The following CTNND2 variants were observed in gnomAD, a reference collection of about 807,000 sequenced individuals.
CTNND2 encodes the protein catenin delta-2.
In CTNND2, 22 loss-of-function variants were observed where a neutral mutation model predicts 144.4. That is an observed-to-expected ratio of 0.15 (90% CI 0.11 to 0.22). CTNND2 has a LOEUF of 0.22. Ranked by LOEUF, CTNND2 falls within the 10% of genes least tolerant of loss-of-function variation. CTNND2 has a pLI of 1.00. For missense variants in CTNND2, 1,353 were observed against 1,618.8 expected, an observed-to-expected ratio of 0.84 and a Z score of 2.82; for synonymous variants, 751 against 695.6, an observed-to-expected ratio of 1.08 and a Z score of -1.25.
At chr5:11,322,835 T>C (rs142445011) in intron 9 of CTNND2, among the ~76,000 whole-genome samples, 56 of 152,314 alleles carry the variant, frequency 3.7e-4, no homozygotes, top group African/African-American at 1.2e-3. Context: ...ATTGTATGTA[T>C]ACTTGCTCTG....
chr5:11,599,772 C>T (rs1224785836), intron 2 of CTNND2, among the ~76,000 whole-genome samples: 3 of 152,048 alleles, frequency 2.0e-5, no homozygotes, highest in Non-Finnish European at 2.9e-5. Flanking sequence ...GTTCTCAGAC[C>T]AGGAAGCTTG....
At chr5:11,023,014 G>A (rs1280054946) in intron 16 of CTNND2, 35 bp from the exon 17 acceptor site, 1 of 1,598,686 alleles carries the variant, frequency 6.3e-7, no homozygotes, top group Admixed American at 1.7e-5. Context: ...GTTGAAAGGA[G>A]GTCAAGGTGA....
intron 2 of CTNND2, among the ~76,000 whole-genome samples, chr5:11,731,046 C>G (rs1310130876): frequency 6.6e-6 from 1 of 152,158 alleles, no homozygotes; most frequent in African/African-American, 2.4e-5. Flanking sequence ...GCAAACTAAT[C>G]AAGGAGCACA....
chr5:11,306,052 T>C (rs977930773), intron 9 of CTNND2, among the ~76,000 whole-genome samples: 2 of 152,208 alleles, frequency 1.3e-5, no homozygotes, highest in African/African-American at 4.8e-5. Flanking sequence ...TGTTCTTAAA[T>C]GTAACAGGAA....
intron 12 of CTNND2, among the ~76,000 whole-genome samples, chr5:11,159,154 A>T (rs902410908): frequency 1.3e-5 from 2 of 152,202 alleles, no homozygotes; most frequent in Non-Finnish European, 2.9e-5. Flanking sequence ...GAGAATTTTT[A>T]AAAAATGGCT....
chr5:11,656,859 A>G (rs1425258850), intron 2 of CTNND2, among the ~76,000 whole-genome samples: 2 of 152,156 alleles, frequency 1.3e-5, no homozygotes, highest in East Asian at 1.9e-4. Context: ...GTCTTCTTAC[A>G]ATCACTTTCG....
intron 11 of CTNND2, among the ~76,000 whole-genome samples, chr5:11,197,321 T>C (rs32268): frequency 0.026 from 4,001 of 152,284 alleles, 185 homozygotes; most frequent in African/African-American, 0.091. Flanking sequence ...AAAACATCTA[T>C]TGAAGTAACA....
chr5:11,084,030 TCAC>T lies in CTNND2; in HGVS notation c.2638-1187_2638-1185del, dbSNP rs1373815595. The T allele has an allele frequency of 3.0e-5, 26 of 876,344 alleles. No individual in the cohort carries two copies. The African/African-American group carries it at 4.4e-4, about 15-fold the overall frequency. 54.3% of individuals were successfully genotyped at this position (876,344 alleles called of 1,614,324 possible). On this transcript the variant is annotated intron_variant, in intron 15 of 21. Transcript: ENST00000304623. ...GAAATCACATTCACACAGTTTCTTA[TCAC>T]CATCAACCCACACTGTATGCTTTTG...
chr5:11,773,708 G>A (rs1790079128), intron 1 of CTNND2, among the ~76,000 whole-genome samples: 1 of 151,894 alleles, frequency 6.6e-6, no homozygotes, highest in South Asian at 2.1e-4. Context: ...TACTTTGGGT[G>A]GCTGAGGCAG....
intron 9 of CTNND2, among the ~76,000 whole-genome samples, chr5:11,345,994 T>TGATAAATAAATAAATGATAAATAAA (rs1754738495): frequency 6.6e-6 from 1 of 152,142 alleles, no homozygotes; most frequent in Non-Finnish European, 1.5e-5. Context: ...TAAATAGAAA[T>TGATAAATAAATAAATGATAAATAAA]ACGCATGATG....
At chr5:11,854,524 G>T (rs1263283495) in intron 1 of CTNND2, among the ~76,000 whole-genome samples, 1 of 152,146 alleles carries the variant, frequency 6.6e-6, no homozygotes, top group African/African-American at 2.4e-5. Context: ...GTTTATATTT[G>T]TTCTGTGATA....
chr5:11,411,632 C>T lies in CTNND2; in HGVS notation c.343G>A (p.Asp115Asn). 1 of 1,607,398 alleles carries T rather than the reference C, an allele frequency of 6.2e-7. No individual in the cohort carries two copies. ...AGCTCGAGACCTGTTGTAAGCTCATCTTCGATATCTTTTTGACCATCTGAA... is the reference window on the plus strand; with the variant it reads ...AGCTCGAGACCTGTTGTAAGCTCATTTTCGATATCTTTTTGACCATCTGAA... ...QSQDGQKDIEDELTTGLELVD... is the reference protein window; with the variant it reads ...QSQDGQKDIENELTTGLELVD... Residue 115 changes from aspartate (D) to asparagine (N), a missense_variant, in exon 5 of 22, where the codon GAT becomes AAT. Physicochemically the swap from Asp to Asn is conservative, Grantham distance 23. Transcript: ENST00000304623.
At chr5:11,545,409 C>T (rs13164375) in intron 3 of CTNND2, among the ~76,000 whole-genome samples, 26,166 of 151,432 alleles carry the variant, frequency 0.17, 2,682 homozygotes, top group Admixed American at 0.29. Flanking sequence ...TGGTGGCTCA[C>T]GCCTGTAATC....
At chr5:11,291,908 T>C (rs571109779) in intron 9 of CTNND2, among the ~76,000 whole-genome samples, 2 of 152,154 alleles carry the variant, frequency 1.3e-5, no homozygotes, top group Non-Finnish European at 2.9e-5. Context: ...CATAAATTTT[T>C]GCTTGCTATA....
At chr5:11,023,091 ATTGT>A (rs1742449794) in intron 16 of CTNND2, 112 bp from the exon 17 acceptor site, 15 of 893,636 alleles carry the variant, frequency 1.7e-5, no homozygotes, top group Non-Finnish European at 2.7e-5. Flanking sequence ...TTTATGCAAA[ATTGT>A]TTGTTTCCCA....
intron 3 of CTNND2, among the ~76,000 whole-genome samples, chr5:11,443,986 T>C (rs915580009): frequency 2.6e-5 from 4 of 152,364 alleles, no homozygotes; most frequent in African/African-American, 7.2e-5. Context: ...TTTGTACATA[T>C]GGATGAATCA....
intron 9 of CTNND2, among the ~76,000 whole-genome samples, chr5:11,247,453 CTGTGGGGACTGGGATCTCTTG>C (rs1743121705): frequency 6.6e-6 from 1 of 152,192 alleles, no homozygotes; most frequent in South Asian, 2.1e-4. Context: ...CTTGTGGGGA[CTGTGGGGACTGGGATCTCTTG>C]TTTCACAATT....
chr5:11,605,071 A>T (rs1779980265), intron 2 of CTNND2, among the ~76,000 whole-genome samples: 1 of 152,170 alleles, frequency 6.6e-6, no homozygotes, highest in Non-Finnish European at 1.5e-5. Context: ...ATGAAATGGG[A>T]AAAACTCTTG....
intron 2 of CTNND2, among the ~76,000 whole-genome samples, chr5:11,615,786 T>C (rs547851448): frequency 1.3e-5 from 2 of 152,358 alleles, no homozygotes; most frequent in Admixed American, 6.5e-5. Flanking sequence ...GCATTTATTC[T>C]ATGGCCTGGG....
Sources: allele counts gnomAD v4.1 joint callset (sites outside exome capture counted in the v4.1 genomes callset), GRCh38; gene constraint gnomAD v4.1.1; transcripts MANE v1.5; gene names NCBI Gene and HGNC (gene_info 2026-07-23, HGNC 2026-07-21).